C16orf89: variants seen among roughly 807,000 people sequenced by gnomAD.
The protein encoded by C16orf89 is chromosome 16 open reading frame 89.
C16orf89 carries 57 observed loss-of-function variants against 41.5 expected under a neutral mutation model. The observed-to-expected ratio is 1.38, with a 90% confidence interval of 1.11 to 1.71. The LOEUF (loss-of-function observed/expected upper bound fraction) is 1.71. Ranked by LOEUF, C16orf89 falls within the 40% of genes most tolerant of loss-of-function variation. The pLI is 0.00. For synonymous variants in C16orf89, 223 were observed against 190.6 expected, an observed-to-expected ratio of 1.17 and a Z score of -1.40; for missense variants, 575 against 445.9, an observed-to-expected ratio of 1.29 and a Z score of -2.61.
At chr16:5,055,623 C>T in intron 5 of C16orf89, 1 of 1,447,132 alleles carries the variant, frequency 6.9e-7, no homozygotes, top group Non-Finnish European at 9.3e-7. Flanking sequence ...AGCCAGCTAG[C>T]AGCCTCCCAA....
At position 5,060,426 on chromosome 16, in the gene C16orf89, C is replaced by T. The variant is rs1426264529; in HGVS notation, c.369G>A (p.Leu123=). 15 of 1,612,248 alleles carry T rather than the reference C, an allele frequency of 9.3e-6. No individual in the cohort carries two copies. The highest frequency in any genetic ancestry group is 1.3e-5 in the African/African-American group (1 of 74,894). The change falls in exon 3 of 8, where the codon CTG becomes CTA. Residue 123 remains leucine (L), a synonymous_variant. Coordinates refer to ENST00000472572, the MANE Select transcript of C16orf89 (RefSeq NM_001098514.3). The part of the protein sequence containing the change: ...SDPKYLREFQ[L]TLQPGFWKLP... ...GCTTCCAAAACCCGGGCTGGAGGGT[C>T]AGCTGGAACTCTGGCAGAGAGGACA...
At chr16:5,057,638 C>G (rs1018845819) in intron 4 of C16orf89, among the ~76,000 whole-genome samples, 2 of 151,744 alleles carry the variant, frequency 1.3e-5, no homozygotes, top group Non-Finnish European at 2.9e-5. Context: ...AAGCGATTCT[C>G]CTGCCTCAGC....
chr16:5,047,926 G>A lies in C16orf89; in HGVS notation c.907C>T (p.Gln303Ter). The A allele has an allele frequency of 6.2e-7, 1 of 1,604,068 alleles. No homozygotes were observed. The highest frequency in any genetic ancestry group is 1.1e-5 in the South Asian group (1 of 90,444). ...DEELSKAIQY[Q>*]QHFSRRVKRR... ...TTCACTCTCCTCGAAAAATGCTGCT[G>A]ATATTGAATAGCTTTAGATAATTCT... is the stretch of plus-strand genomic sequence containing the variant. Residue 303 changes from glutamine to a stop codon, truncating the protein, a stop_gained, in exon 7 of 8, where the codon CAG becomes TAG. Transcript: ENST00000472572. LOFTEE classifies it low-confidence loss of function (END_TRUNC).
chr16:5,058,443 C>CT, intron 4 of C16orf89, 50 bp downstream of exon 4: 1 of 1,509,732 alleles, frequency 6.6e-7, no homozygotes, highest in Non-Finnish European at 9.1e-7. Context: ...GCCCCTTTTC[C>CT]TTTTTCCTTC....
downstream of C16orf89, chr16:5,044,016 GA>G: frequency 1.6e-6 from 1 of 626,800 alleles, no homozygotes; most frequent in Non-Finnish European, 2.0e-6. Context: ...AAAAAAAAAG[GA>G]AAAAAGAAAA....
rs1313607893 is a variant in C16orf89 at position 5,060,339 on chromosome 16, G to T, written c.456C>A (p.Asp152Glu). The T allele has an allele frequency of 6.2e-7, 1 of 1,613,656 alleles. No individual in the cohort carries two copies. Residue 152 changes from aspartate to glutamate, a missense_variant, in exon 3 of 8, where the codon GAC (aspartate) becomes GAA (glutamate). Coordinates refer to ENST00000472572, the MANE Select transcript of C16orf89 (RefSeq NM_001098514.3). ...SLVYPTFGPQ[D>E]SFSEERSDVC... ...CGTCACTTCTCTCCTCTGAGAATGA[G>T]TCCTGGGGCCCGAACGTGGGGTACA...
intron 3 of C16orf89, among the ~76,000 whole-genome samples, chr16:5,059,410 G>A (rs1226437035): frequency 1.3e-5 from 2 of 151,626 alleles, no homozygotes; most frequent in Admixed American, 6.6e-5. Flanking sequence ...AGCTTGCAGT[G>A]AGCCGAGAAA....
chr16:5,056,197 A>G lies in C16orf89; in HGVS notation c.628-9T>C. 1 of 1,579,488 alleles carries G rather than the reference A, an allele frequency of 6.3e-7. No homozygotes were observed. Among genetic ancestry groups the G allele is most frequent in the African/African-American group, 1.3e-5 (1 of 74,444 alleles). ...CCCTGTGTGCACCCCCTCTGGGGAGACAAACACCCAAAGACAAGGGAGTCA... is the reference window on the plus strand; with the variant it reads ...CCCTGTGTGCACCCCCTCTGGGGAGGCAAACACCCAAAGACAAGGGAGTCA... On this transcript the variant is annotated splice_polypyrimidine_tract_variant and intron_variant, in intron 4 of 7. Transcript: ENST00000472572.
intron 1 of C16orf89, among the ~76,000 whole-genome samples, chr16:5,064,429 T>C (rs757379872): frequency 6.6e-6 from 1 of 152,176 alleles, no homozygotes; most frequent in African/African-American, 2.4e-5. Context: ...ACTGGTAAGA[T>C]GACATATACA....
Position 5,044,474 on chromosome 16 carries a change from G to A in C16orf89, c.960C>T (p.Gly320=). 6.2e-7 allele frequency: 1 copy of A among 1,612,434 alleles called. No individual in the cohort carries two copies. Among genetic ancestry groups the A allele is most frequent in the Non-Finnish European group, 8.5e-7 (1 of 1,179,358 alleles). ...VKRREKQFPD[G]CSSHNTATAV... is the part of the protein sequence containing the mutation. ...CTGTGGCTGTGTTGTGGGAGGAGCA[G>A]CCATCTAGGGGAGAGAGCCCCCATG... is the stretch of plus-strand genomic sequence containing the variant. Residue 320 remains glycine, a synonymous_variant, in exon 8 of 8, where the codon GGC becomes GGT. Coordinates refer to ENST00000472572, the MANE Select transcript of C16orf89 (RefSeq NM_001098514.3).
downstream of C16orf89, chr16:5,043,580 A>G (rs1282292196): frequency 6.6e-5 from 10 of 152,232 alleles, no homozygotes; most frequent in Non-Finnish European, 4.4e-5. Context: ...TGTAAAAATG[A>G]GTATGTGCTG....
At chr16:5,045,682 G>C (rs1186595567) in intron 7 of C16orf89, among the ~76,000 whole-genome samples, 1 of 152,150 alleles carries the variant, frequency 6.6e-6, no homozygotes, top group Non-Finnish European at 1.5e-5. Context: ...CCAACAGTTT[G>C]GTGCCCATTT....
chr16:5,049,925 A>C (rs1452136419), intron 6 of C16orf89, among the ~76,000 whole-genome samples: 3 of 152,190 alleles, frequency 2.0e-5, no homozygotes, highest in Non-Finnish European at 4.4e-5. Context: ...GTTTTTAAAA[A>C]AGATCAACAG....
At chr16:5,058,231 A>C (rs1956548377) in intron 4 of C16orf89, among the ~76,000 whole-genome samples, 1 of 151,614 alleles carries the variant, frequency 6.6e-6, no homozygotes, top group African/African-American at 2.4e-5. Flanking sequence ...GGTTCCAGTG[A>C]TTCTCCTGCC....
intron 6 of C16orf89, among the ~76,000 whole-genome samples, chr16:5,050,535 C>T (rs1275564395): frequency 6.6e-6 from 1 of 152,176 alleles, no homozygotes; most frequent in Non-Finnish European, 1.5e-5. Flanking sequence ...GACCTGACAG[C>T]TTCACTGCTG....
chr16:5,063,064 C>T (rs919135769), intron 1 of C16orf89, among the ~76,000 whole-genome samples: 2 of 152,120 alleles, frequency 1.3e-5, no homozygotes, highest in Admixed American at 6.5e-5. Context: ...CTAATTCCCA[C>T]AGAGGTACCC....
chr16:5,044,022 A>G, downstream of C16orf89: 1 of 719,240 alleles, frequency 1.4e-6, no homozygotes, highest in Non-Finnish European at 1.7e-6. Context: ...AAAGGAAAAA[A>G]GAAAAAAGAA....
intron 6 of C16orf89, among the ~76,000 whole-genome samples, chr16:5,052,327 G>A (rs1319115068): frequency 1.3e-5 from 2 of 152,142 alleles, no homozygotes; most frequent in African/African-American, 2.4e-5. Context: ...AGTGGCTCAC[G>A]CCTCTAATCT....
Position 5,062,511 on chromosome 16 carries a change from C to G in C16orf89, c.272G>C (p.Arg91Pro). The G allele has an allele frequency of 6.2e-7, 1 of 1,614,012 alleles. No individual in the cohort carries two copies. The highest frequency in any genetic ancestry group is 8.5e-7 in the Non-Finnish European group (1 of 1,179,884). ...QEPLLQPLSL[R>P]VGMLGEKLEA... ...CAGCTTCTCCCCCAGCATCCCCACG[C>G]GCAGGCTCAGCGGCTGCAGCAGGGG... is the stretch of plus-strand genomic sequence containing the variant. Residue 91 changes from arginine to proline, a missense_variant, in exon 2 of 8, where the codon CGC becomes CCC. Transcript: ENST00000472572.
Sources: gnomAD v4.1 joint callset for allele counts (sites outside exome capture counted in the v4.1 genomes callset) on GRCh38, gnomAD v4.1.1 for gene constraint, MANE v1.5 for transcripts, NCBI Gene and HGNC (gene_info 2026-07-23, HGNC 2026-07-21) for gene names.